SBF2: variants seen among roughly 807,000 people sequenced by gnomAD.
SBF2 encodes SET binding factor 2.
Under a neutral mutation model 225.2 loss-of-function variants are expected in SBF2, and 112 were observed. The observed-to-expected ratio is 0.50, with a 90% CI of 0.43 to 0.58. SBF2 has a LOEUF of 0.58. Among genes scored for constraint, SBF2 ranks in the 20% least tolerant of loss-of-function variants. The probability of loss-of-function intolerance (pLI) is 0.00; values close to 1 mark genes in which losing one functional copy is unlikely to be tolerated. For missense variants in SBF2, 1,996 were observed against 2,206.2 expected (o/e 0.90, Z 1.91); for synonymous variants, 763 against 773.3 (o/e 0.99, Z 0.22).
chr11:9,976,452 C>T (rs575577850), intron 13 of SBF2, among the ~76,000 whole-genome samples: 3 of 152,128 alleles, frequency 2.0e-5, no homozygotes, highest in African/African-American at 4.8e-5. Context: ...TCAGACAAAG[C>T]CAGGTATGGT....
chr11:10,045,889 A>G lies in SBF2; in HGVS notation c.142-2908T>C, dbSNP rs1312793640. 2.0e-5 allele frequency among the ~76,000 whole-genome samples: 3 copies of G among 152,232 alleles called. No homozygotes were observed. In the South Asian group the frequency reaches 6.2e-4, roughly 32 times the overall value. ...GTGGATTCTTTTAAACATTTAAGGA[A>G]GAAGTTACAGTCAGCCCTCTGTATC... On this transcript the variant is annotated intron_variant, in intron 2 of 39. Coordinates refer to ENST00000256190, the MANE Select transcript of SBF2 (RefSeq NM_030962.4).
intron 1 of SBF2, among the ~76,000 whole-genome samples, chr11:10,245,598 A>T (rs72850426): frequency 0.054 from 8,199 of 152,292 alleles, 306 homozygotes; most frequent in Middle Eastern, 0.14. Flanking sequence ...GCACCTCAAA[A>T]AATTAAAAAT....
chr11:10,010,923 G>A (rs561444129), intron 6 of SBF2, among the ~76,000 whole-genome samples: 4 of 152,178 alleles, frequency 2.6e-5, no homozygotes, highest in South Asian at 4.2e-4. Context: ...TTGAGCAGTG[G>A]TTTGTAGTTC....
Position 9,816,927 on chromosome 11 carries a change from G to A in SBF2, c.3891C>T (p.Ala1297=). 2 of 1,614,184 alleles carry A rather than the reference G, an allele frequency of 1.2e-6. No individual in the cohort carries two copies. Among genetic ancestry groups the A allele is most frequent in the South Asian group, 1.1e-5 (1 of 91,086 alleles). The change falls in exon 29 of 40, where the codon GCC becomes GCT. Residue 1297 remains alanine, a synonymous_variant. Transcript: ENST00000256190. ...GTAGGTAGCTGCTGTTACTGAAGGA[G>A]GCCGAGTGATCCTTGCCTGCCAGCC... ...GARLAGKDHS[A]SFSNSSYLQN...
At chr11:10,172,082 C>T (rs529954998) in intron 2 of SBF2, among the ~76,000 whole-genome samples, 3 of 152,072 alleles carry the variant, frequency 2.0e-5, no homozygotes, top group Admixed American at 2.0e-4. Context: ...TACAAAAAAA[C>T]CAACTTTTTG....
intron 32 of SBF2, among the ~76,000 whole-genome samples, chr11:9,797,758 C>CAGG (rs1366141223): frequency 6.6e-6 from 1 of 152,144 alleles, no homozygotes; most frequent in African/African-American, 2.4e-5. Flanking sequence ...ATCTCGAGGC[C>CAGG]AGGAGTTTGA....
chr11:9,968,016 A>T (rs1867079846), intron 14 of SBF2, among the ~76,000 whole-genome samples: 1 of 148,684 alleles, frequency 6.7e-6, no homozygotes. Context: ...TCTCAAATTA[A>T]ATAGTAATAA....
chr11:10,209,825 T>C (rs544662016), intron 1 of SBF2, among the ~76,000 whole-genome samples: 6 of 152,252 alleles, frequency 3.9e-5, no homozygotes, highest in African/African-American at 1.4e-4. Flanking sequence ...TAAAAGTATA[T>C]TTCCTTTCAT....
intron 14 of SBF2, among the ~76,000 whole-genome samples, chr11:9,964,191 G>C (rs187222593): frequency 6.6e-6 from 1 of 152,216 alleles, no homozygotes; most frequent in African/African-American, 2.4e-5. Context: ...CAAGTCTGCG[G>C]TGAGCTAGGA....
rs80166633 is a variant in SBF2, at chr11:9,812,341, T to C, written c.4155+191A>G. Among the ~76,000 whole-genome samples the C allele has an allele frequency of 7.9e-3, 1,201 of 152,306 alleles. 19 individuals carry two copies. The highest frequency in any genetic ancestry group is 0.027 in the African/African-American group (1,116 of 41,566). Reference sequence around the variant, plus strand: ...GAGATAAAAACCCAGCGATCAAGACTTCTACTCCCTCACCTCCTATACCAG... The same window carrying C: ...GAGATAAAAACCCAGCGATCAAGACCTCTACTCCCTCACCTCCTATACCAG... On this transcript the variant is annotated intron_variant, in intron 30 of 39. Coordinates refer to ENST00000256190, the MANE Select transcript of SBF2 (RefSeq NM_030962.4).
chr11:9,828,563 C>T (rs1007991283), intron 28 of SBF2: 28 of 985,330 alleles, frequency 2.8e-5, no homozygotes, highest in Admixed American at 6.1e-5. Flanking sequence ...CTTCTCAAGT[C>T]ACATGCTCCT....
intron 2 of SBF2, among the ~76,000 whole-genome samples, chr11:10,171,941 C>T (rs751470045): frequency 1.4e-4 from 21 of 152,134 alleles, no homozygotes; most frequent in Non-Finnish European, 2.5e-4. Flanking sequence ...TATAGTTGGT[C>T]ACAGTAGCCA....
chr11:10,090,746 C>G lies in SBF2; in HGVS notation c.142-47765G>C, dbSNP rs183280006. Among the ~76,000 whole-genome samples the G allele has an allele frequency of 1.2e-4, 12 of 103,858 alleles. No homozygotes were observed. In the East Asian group the frequency reaches 3.6e-3, roughly 31 times the overall value. The allele number at this position is 103,858 out of a possible 152,430, so 68.1% of individuals were successfully genotyped here. On this transcript the variant is annotated intron_variant, in intron 2 of 39. Coordinates refer to ENST00000256190, the MANE Select transcript of SBF2 (RefSeq NM_030962.4). ...TGCCACAGCACTCTAGCCTGGGAGT[C>G]AGAGCAAGATTCCATCTCAAAAAAA...
chr11:9,959,778 G>T, intron 16 of SBF2: 2 of 635,482 alleles, frequency 3.1e-6, no homozygotes. Flanking sequence ...AGCTTGCTGA[G>T]ATGGTCATGG....
rs202151908 is a variant in SBF2, at chr11:9,795,832, G to A, written c.4569C>T (p.His1523=). The A allele has an allele frequency of 1.1e-5, 17 of 1,613,410 alleles. No individual in the cohort carries two copies. In the Middle Eastern group the frequency reaches 5.0e-4, roughly 47 times the overall value. The change falls in exon 33 of 40, where the codon CAC becomes CAT. Residue 1523 remains histidine, a splice_region_variant and synonymous_variant. Coordinates refer to ENST00000256190, the MANE Select transcript of SBF2 (RefSeq NM_030962.4). ...LLDSDYERLE[H]GTLFDDKGEK... ...AAACAAGGGCATACAGACACATACC[G>A]TGCTCTAATCTTTCATAGTCTGAAT...
At chr11:9,787,986 A>C in intron 35 of SBF2, 1 of 526,154 alleles carries the variant, frequency 1.9e-6, no homozygotes, top group Non-Finnish European at 3.4e-6. Context: ...AGGATAGCTT[A>C]CATACTAGGA....
chr11:10,100,833 T>G (rs1565229381), intron 2 of SBF2, among the ~76,000 whole-genome samples: 1 of 152,202 alleles, frequency 6.6e-6, no homozygotes. Flanking sequence ...GAGGTGTCTG[T>G]AGCTCCACTG....
At chr11:9,920,360 C>T (rs1863520233) in intron 16 of SBF2, among the ~76,000 whole-genome samples, 1 of 152,068 alleles carries the variant, frequency 6.6e-6, no homozygotes, top group African/African-American at 2.4e-5. Context: ...AGGCAAGAGT[C>T]AGGCCAAGTT....
chr11:9,986,238 C>T (rs1051373149), intron 13 of SBF2, among the ~76,000 whole-genome samples: 4 of 151,998 alleles, frequency 2.6e-5, no homozygotes, highest in African/African-American at 9.7e-5. Context: ...AGCTGAATGA[C>T]AATAATGACA....
Sources: gnomAD v4.1 joint callset for allele counts (sites outside exome capture counted in the v4.1 genomes callset) on GRCh38, gnomAD v4.1.1 for gene constraint, MANE v1.5 for transcripts, NCBI Gene and HGNC (gene_info 2026-07-23, HGNC 2026-07-21) for gene names.